CCDC192: variants seen among roughly 807,000 people sequenced by gnomAD.
The protein encoded by CCDC192 is coiled-coil domain-containing protein 192.
chr5:127,751,432 G>A lies in CCDC192; in HGVS notation c.115-2836G>A, dbSNP rs573364701. ...GAAAATTCTTTTCTTTAAGAATGTTGAATATTGGCCCCCACTCTCTTCTGG... is the reference window on the plus strand; with the variant it reads ...GAAAATTCTTTTCTTTAAGAATGTTAAATATTGGCCCCCACTCTCTTCTGG... On this transcript the variant is annotated intron_variant, in intron 2 of 6. Coordinates refer to ENST00000514853, the MANE Select transcript of CCDC192 (RefSeq NM_001317938.2). Among the ~76,000 whole-genome samples, 287 of 152,138 alleles carry A rather than the reference G, an allele frequency of 1.9e-3. 3 individuals are homozygous for A. Among genetic ancestry groups the A allele is most frequent in the Non-Finnish European group, 1.4e-3 (94 of 68,010 alleles).
chr5:127,758,941 T>C (rs1303700313), intron 3 of CCDC192, among the ~76,000 whole-genome samples: 1 of 152,214 alleles, frequency 6.6e-6, no homozygotes, highest in Admixed American at 6.5e-5. Context: ...ACTTTTGCAA[T>C]GAAGTCTGGA....
chr5:127,876,063 ATTTT>A (rs55862955), intron 6 of CCDC192, among the ~76,000 whole-genome samples: 47 of 128,758 alleles, frequency 3.7e-4, no homozygotes, highest in Middle Eastern at 4.1e-3. Flanking sequence ...AGAGAACAGA[ATTTT>A]TTTTTTTTTT....
chr5:127,877,508 G>A lies in CCDC192; in HGVS notation c.535+1847G>A, dbSNP rs186808166. ...ACATGTTGCTTCTCTTATTTGGTGG[G>A]GAAACTAAGTCAGTCGACTGACATC... On this transcript the variant is annotated intron_variant, in intron 6 of 6. Coordinates refer to ENST00000514853, the MANE Select transcript of CCDC192 (RefSeq NM_001317938.2). Among the ~76,000 whole-genome samples, 418 of 152,130 alleles carry A rather than the reference G, an allele frequency of 2.7e-3. 2 individuals carry two copies. Among genetic ancestry groups the A allele is most frequent in the South Asian group, 7.1e-3 (34 of 4,816 alleles).
At chr5:127,826,515 A>G (rs1379324470) in intron 5 of CCDC192, among the ~76,000 whole-genome samples, 1 of 151,766 alleles carries the variant, frequency 6.6e-6, no homozygotes, top group Admixed American at 6.6e-5. Context: ...TAGCAAAGAC[A>G]TGGAATCAAC....
In CCDC192 at chr5:127,705,484, C is replaced by T. The variant is rs185881576; in HGVS notation, c.62+1977C>T. ...TTTTTTGCCCAGCATAAAAAACAAA[C>T]GAAGCACAGTCCTTGTCCTCTATGA... On this transcript the variant is annotated intron_variant, in intron 1 of 6. Coordinates refer to ENST00000514853, the MANE Select transcript of CCDC192 (RefSeq NM_001317938.2). 1.2e-3 allele frequency among the ~76,000 whole-genome samples: 185 copies of T among 152,102 alleles called. 5 individuals are homozygous for T. In the Middle Eastern group the frequency reaches 0.017, roughly 14 times the overall value.
At chr5:127,868,005 T>A (rs1751683757) in intron 5 of CCDC192, among the ~76,000 whole-genome samples, 1 of 142,752 alleles carries the variant, frequency 7.0e-6, no homozygotes, top group Non-Finnish European at 1.6e-5. Context: ...CAGCTTTTCT[T>A]TTTCTTTTTT....
chr5:127,882,499 T>G (rs1344501244), intron 6 of CCDC192, among the ~76,000 whole-genome samples: 1 of 152,080 alleles, frequency 6.6e-6, no homozygotes, highest in Non-Finnish European at 1.5e-5. Flanking sequence ...GATTTGGAGG[T>G]GATAAAAATG....
At chr5:127,707,201 C>A (rs955455895) in intron 1 of CCDC192, among the ~76,000 whole-genome samples, 2 of 151,980 alleles carry the variant, frequency 1.3e-5, no homozygotes, top group Non-Finnish European at 2.9e-5. Context: ...TTTGCTGTAA[C>A]CTGAATAGCA....
rs953945926 is a variant in CCDC192, at chr5:127,853,844, C to A, written c.412-21694C>A. 8.5e-5 allele frequency among the ~76,000 whole-genome samples: 13 copies of A among 152,172 alleles called. 1 individual carries two copies. Among genetic ancestry groups the A allele is most frequent in the Admixed American group, 7.2e-4 (11 of 15,294 alleles). ...TGGAGTGAGAATTCTCCCTCTCAAC[C>A]CTTCCCTCAGCCCCATAGTCCTTCT... On this transcript the variant is annotated intron_variant, in intron 5 of 6. Coordinates refer to ENST00000514853, the MANE Select transcript of CCDC192 (RefSeq NM_001317938.2).
chr5:127,772,688 A>G (rs976857814), intron 3 of CCDC192, among the ~76,000 whole-genome samples: 1 of 152,172 alleles, frequency 6.6e-6, no homozygotes, highest in African/African-American at 2.4e-5. Context: ...TATATATTGC[A>G]TACCCGTGTC....
intron 2 of CCDC192, among the ~76,000 whole-genome samples, chr5:127,752,371 C>T (rs1022381149): frequency 6.4e-4 from 97 of 152,090 alleles, no homozygotes; most frequent in Non-Finnish European, 1.0e-3. Flanking sequence ...AGTACCCTGC[C>T]GTGTGAGGTG....
rs191206182 is a variant in CCDC192 at position 127,777,007 on chromosome 5, C to T, written c.223-20096C>T. On this transcript the variant is annotated intron_variant, in intron 3 of 6. Coordinates refer to ENST00000514853, the MANE Select transcript of CCDC192 (RefSeq NM_001317938.2). The stretch of plus-strand genomic sequence containing the variant: ...ACAGAAGGAAAATGTGGGGTGGGAG[C>T]CCCCACACAGAGTCTTCACTGGGGC... Among the ~76,000 whole-genome samples, 8 of 152,310 alleles carry T rather than the reference C, an allele frequency of 5.3e-5. No homozygotes were observed. The East Asian group carries it at 1.5e-3, about 29-fold the overall frequency.
intron 5 of CCDC192, among the ~76,000 whole-genome samples, chr5:127,865,142 G>A (rs150994445): frequency 0.027 from 4,128 of 151,964 alleles, 109 homozygotes; most frequent in African/African-American, 0.072. Context: ...GCGAGATGCC[G>A]ACTCAAATTA....
intron 2 of CCDC192, among the ~76,000 whole-genome samples, chr5:127,724,310 T>C (rs550147727): frequency 6.6e-6 from 1 of 152,346 alleles, no homozygotes; most frequent in South Asian, 2.1e-4. Context: ...TATTTCTACC[T>C]GCGATCTTCC....
upstream of CCDC192, among the ~76,000 whole-genome samples, chr5:127,702,811 G>A (rs1034827371): frequency 9.9e-5 from 15 of 152,230 alleles, no homozygotes; most frequent in South Asian, 4.1e-4. Flanking sequence ...TACAGCAACT[G>A]GCTGGGAGAA....
chr5:127,820,845 A>G (rs537233554), intron 5 of CCDC192, among the ~76,000 whole-genome samples: 25 of 152,312 alleles, frequency 1.6e-4, no homozygotes, highest in Admixed American at 1.4e-3. Context: ...TTTAAATGAT[A>G]TAATCGTAAA....
At chr5:127,903,241 A>ATTT (rs748694522) in intron 6 of CCDC192, among the ~76,000 whole-genome samples, 6 of 143,426 alleles carry the variant, frequency 4.2e-5, no homozygotes, top group African/African-American at 1.3e-4. Context: ...TTTTGGAGGA[A>ATTT]TTTTTTTTTT....
At chr5:127,932,237 T>C (rs1754053743) in intron 6 of CCDC192, among the ~76,000 whole-genome samples, 1 of 151,690 alleles carries the variant, frequency 6.6e-6, no homozygotes, top group Non-Finnish European at 1.5e-5. Flanking sequence ...AAAGTTTCAC[T>C]CTTGTTGCAC....
At chr5:127,793,539 G>A (rs1052520603) in intron 3 of CCDC192, among the ~76,000 whole-genome samples, 5 of 152,186 alleles carry the variant, frequency 3.3e-5, no homozygotes, top group African/African-American at 1.2e-4. Context: ...CAGGAATGGA[G>A]GCAGACAAAT....
Sources: gnomAD v4.1 joint callset for allele counts (sites outside exome capture counted in the v4.1 genomes callset) on GRCh38, gnomAD v4.1.1 for gene constraint, MANE v1.5 for transcripts, NCBI Gene and HGNC (gene_info 2026-07-23, HGNC 2026-07-21) for gene names.